HMCN1: variants seen among roughly 807,000 people sequenced by gnomAD.
HMCN1 encodes hemicentin-1.
A neutral mutation model predicts 625.9 loss-of-function variants in HMCN1; 321 were observed. The observed-to-expected ratio is 0.51, with a 90% CI of 0.47 to 0.56. HMCN1 has a LOEUF of 0.56. Ranked by LOEUF, HMCN1 falls within the 20% of genes least tolerant of loss-of-function variation. HMCN1 has a pLI of 0.00. For missense variants in HMCN1, 6,588 were observed against 6,887.3 expected (o/e 0.96, Z 1.54); for synonymous variants, 2,425 against 2,417.6 (o/e 1.00, Z -0.09).
intron 1 of HMCN1, among the ~76,000 whole-genome samples, chr1:185,801,560 A>G (rs1057452561): frequency 6.6e-6 from 1 of 152,226 alleles, no homozygotes; most frequent in Non-Finnish European, 1.5e-5. Context: ...AATTGATTAA[A>G]TAGTCACATT....
At chr1:186,048,279 G>C (rs1656709878) in intron 41 of HMCN1, among the ~76,000 whole-genome samples, 1 of 152,112 alleles carries the variant, frequency 6.6e-6, no homozygotes, top group Admixed American at 6.6e-5. Flanking sequence ...AAACTGGGTA[G>C]TAGAAGAATG....
At chr1:185,869,126 T>C (rs1469104874) in intron 4 of HMCN1, among the ~76,000 whole-genome samples, 1 of 152,198 alleles carries the variant, frequency 6.6e-6, no homozygotes, top group Non-Finnish European at 1.5e-5. Context: ...GTATTTTGGA[T>C]TAAGTCAACA....
chr1:185,777,788 C>A (rs1322605074), intron 1 of HMCN1, among the ~76,000 whole-genome samples: 1 of 152,198 alleles, frequency 6.6e-6, no homozygotes, highest in Non-Finnish European at 1.5e-5. Flanking sequence ...ACATAGGCAG[C>A]TCTATTATCC....
At chr1:186,086,462 C>G (rs1455271250) in intron 58 of HMCN1, 55 bp downstream of exon 58, 3 of 1,532,956 alleles carry the variant, frequency 2.0e-6, no homozygotes, top group Non-Finnish European at 2.7e-6. Context: ...TATTTTAATA[C>G]AAACAGCATT....
intron 1 of HMCN1, among the ~76,000 whole-genome samples, chr1:185,797,338 C>T (rs1571365908): frequency 6.6e-6 from 1 of 152,208 alleles, no homozygotes; most frequent in African/African-American, 2.4e-5. Context: ...GGGTCTTGCT[C>T]TGTTGCCCAG....
chr1:186,021,143 T>C (rs1558150361), intron 35 of HMCN1, among the ~76,000 whole-genome samples: 3 of 151,986 alleles, frequency 2.0e-5, no homozygotes, highest in African/African-American at 7.2e-5. Flanking sequence ...GATACTTGGA[T>C]AGATTGGTGA....
At chr1:186,037,871 C>T in intron 36 of HMCN1, 63 bp from the exon 37 acceptor site, 3 of 983,882 alleles carry the variant, frequency 3.0e-6, no homozygotes, top group Non-Finnish European at 3.3e-6. Flanking sequence ...TTTAATTGAG[C>T]AAACAATTTC....
intron 69 of HMCN1, among the ~76,000 whole-genome samples, chr1:186,105,050 T>C (rs1186521197): frequency 6.6e-6 from 1 of 152,168 alleles, no homozygotes; most frequent in Non-Finnish European, 1.5e-5. Flanking sequence ...AGTCGAGTTA[T>C]AAGAAAACAA....
chr1:186,143,225 A>C (rs550153594), intron 89 of HMCN1, among the ~76,000 whole-genome samples: 1 of 152,352 alleles, frequency 6.6e-6, no homozygotes, highest in East Asian at 1.9e-4. Flanking sequence ...AAAGCAGACA[A>C]ATGATAATTT....
At chr1:186,051,868 AGT>A (rs904827348) in intron 42 of HMCN1, among the ~76,000 whole-genome samples, 4 of 152,116 alleles carry the variant, frequency 2.6e-5, no homozygotes, top group African/African-American at 7.2e-5. Context: ...GGAATAATTA[AGT>A]GAGAGCAAAA....
intron 1 of HMCN1, among the ~76,000 whole-genome samples, chr1:185,802,926 A>G (rs1022913704): frequency 6.6e-6 from 1 of 152,074 alleles, no homozygotes; most frequent in African/African-American, 2.4e-5. Flanking sequence ...TATAAATTGT[A>G]GAAACTTGAA....
At chr1:185,762,709 C>T (rs1655592526) in intron 1 of HMCN1, among the ~76,000 whole-genome samples, 1 of 152,056 alleles carries the variant, frequency 6.6e-6, no homozygotes, top group Non-Finnish European at 1.5e-5. Flanking sequence ...TTGACACTGT[C>T]CCTGATAATA....
chr1:185,858,568 T>A (rs1162093577), intron 2 of HMCN1, among the ~76,000 whole-genome samples: 1 of 98,478 alleles, frequency 1.0e-5, no homozygotes, highest in Non-Finnish European at 1.9e-5. Flanking sequence ...TATGCCTATA[T>A]GCCACCACAC....
chr1:185,841,889 A>T (rs1661499056), intron 1 of HMCN1, among the ~76,000 whole-genome samples: 1 of 152,222 alleles, frequency 6.6e-6, no homozygotes, highest in Admixed American at 6.5e-5. Context: ...AGTTCTTGCA[A>T]ATATAGGTAG....
At chr1:185,809,330 A>G (rs754374338) in intron 1 of HMCN1, among the ~76,000 whole-genome samples, 1 of 152,048 alleles carries the variant, frequency 6.6e-6, no homozygotes, top group Non-Finnish European at 1.5e-5. Flanking sequence ...TGTAATTAAT[A>G]AAATATGTTT....
intron 86 of HMCN1, among the ~76,000 whole-genome samples, chr1:186,135,465 A>G (rs1415775767): frequency 6.6e-6 from 1 of 152,174 alleles, no homozygotes; most frequent in East Asian, 1.9e-4. Context: ...AGACTCACAC[A>G]TATATATTTC....
intron 67 of HMCN1, 79 bp downstream of exon 67, chr1:186,094,452 C>A: frequency 1.0e-6 from 1 of 994,502 alleles, no homozygotes; most frequent in Non-Finnish European, 1.6e-6. Flanking sequence ...AACCGACTTC[C>A]TCAGAGATTT....
At position 185,990,409 on chromosome 1, in the gene HMCN1, A is replaced by G. The variant is rs747793516; in HGVS notation, c.3343A>G (p.Lys1115Glu). 4.3e-6 allele frequency: 7 copies of G among 1,613,996 alleles called. No homozygotes were observed. ...ACCTCCACCCATAATTACTTGGGCC[A>G]AAGAAACCCAGCTCATCTCACCGTT... ...SLPPPIITWA[K>E]ETQLISPFSP... The change falls in exon 22 of 107, where the codon AAA becomes GAA. Residue 1115 changes from lysine to glutamate, a missense_variant. Lys to Glu is a moderately conservative substitution (Grantham distance 56). Transcript: ENST00000271588.
Position 186,087,597 on chromosome 1 carries a change from T to A in HMCN1, c.9315T>A (p.His3105Gln), listed in dbSNP as rs770089993. 6.2e-7 allele frequency: 1 copy of A among 1,613,284 alleles called. No individual in the cohort carries two copies. The highest frequency in any genetic ancestry group is 1.7e-5 in the Admixed American group (1 of 59,942). ...KNGRMITEST[H>Q]VEILADGQML... ...GGCGGATGATAACAGAGTCTACTCA[T>A]GTGGAGATTTTAGCTGATGGACAAA... is the stretch of plus-strand genomic sequence containing the variant. Residue 3105 changes from histidine to glutamine, a missense_variant, in exon 60 of 107, where the codon CAT becomes CAA. Physicochemically the swap from His to Gln is conservative, Grantham distance 24. Coordinates refer to ENST00000271588, the MANE Select transcript of HMCN1 (RefSeq NM_031935.3).
Sources: allele counts gnomAD v4.1 joint callset (sites outside exome capture counted in the v4.1 genomes callset), GRCh38; gene constraint gnomAD v4.1.1; transcripts MANE v1.5; gene names NCBI Gene and HGNC (gene_info 2026-07-23, HGNC 2026-07-21).